The following RNF4 variants were observed in gnomAD, a reference collection of about 807,000 sequenced individuals.
RNF4 encodes the protein E3 ubiquitin-protein ligase RNF4.
A neutral mutation model predicts 24.3 loss-of-function variants in RNF4; 7 were observed. That is an observed-to-expected ratio of 0.29 (90% CI 0.16 to 0.54). RNF4 has a LOEUF of 0.54. RNF4 is among the 20% of genes least tolerant of loss of function. RNF4 has a pLI of 0.95. For synonymous variants in RNF4, 83 were observed against 84.3 expected (o/e 0.98, Z 0.09); for missense variants, 209 against 248.5 (o/e 0.84, Z 1.07).
chr4:2,491,331 G>C (rs1322632850), intron 2 of RNF4, among the ~76,000 whole-genome samples: 1 of 152,130 alleles, frequency 6.6e-6, no homozygotes, highest in Non-Finnish European at 1.5e-5. Context: ...CCACGTTCTG[G>C]GTTCAAGTGA....
At chr4:2,477,769 C>G (rs1735125588) in intron 1 of RNF4, among the ~76,000 whole-genome samples, 1 of 152,120 alleles carries the variant, frequency 6.6e-6, no homozygotes, top group African/African-American at 2.4e-5. Context: ...ATTGCCCAGT[C>G]TCAGGTATGT....
intron 2 of RNF4, among the ~76,000 whole-genome samples, chr4:2,496,401 A>G (rs1735736933): frequency 6.6e-6 from 1 of 152,202 alleles, no homozygotes; most frequent in African/African-American, 2.4e-5. Flanking sequence ...ATCCACTACC[A>G]AGTCCAAATC....
Position 2,493,503 on chromosome 4 carries a change from A to G in RNF4, c.9+3001A>G, listed in dbSNP as rs28708609. On this transcript the variant is annotated intron_variant, in intron 2 of 7. Transcript: ENST00000314289. ...CCTAGTAAGAAAGACTTGGTCTGCTACAGGCTGGGCATGGTGGATCACAAG... is the reference window on the plus strand; with the variant it reads ...CCTAGTAAGAAAGACTTGGTCTGCTGCAGGCTGGGCATGGTGGATCACAAG... Among the ~76,000 whole-genome samples the G allele has an allele frequency of 8.2e-3, 1,250 of 152,062 alleles. 15 individuals carry two copies. The highest frequency in any genetic ancestry group is 0.029 in the African/African-American group (1,192 of 41,474).
chr4:2,472,583 C>A (rs957705247), intron 1 of RNF4, among the ~76,000 whole-genome samples: 1 of 145,750 alleles, frequency 6.9e-6, no homozygotes, highest in Non-Finnish European at 1.5e-5. Context: ...GAGACCACCC[C>A]CTCCACTGCC....
At chr4:2,485,913 CAAGGGTTCCTTTTGG>C (rs1735392790) in intron 1 of RNF4, among the ~76,000 whole-genome samples, 1 of 152,154 alleles carries the variant, frequency 6.6e-6, no homozygotes, top group Non-Finnish European at 1.5e-5. Flanking sequence ...AAGGAGGAGG[CAAGGGTTCCTTTTGG>C]AACACACTAA....
At chr4:2,472,532 G>A (rs201236767) in intron 1 of RNF4, among the ~76,000 whole-genome samples, 2 of 149,722 alleles carry the variant, frequency 1.3e-5, no homozygotes, top group East Asian at 3.9e-4. Context: ...CTGGTGGATC[G>A]CTTGAGCTCA....
chr4:2,510,625 C>T (rs1736245483), intron 4 of RNF4, among the ~76,000 whole-genome samples: 1 of 152,204 alleles, frequency 6.6e-6, no homozygotes, highest in Admixed American at 6.5e-5. Context: ...ATCCTGGCTG[C>T]ACGGGAGTCA....
chr4:2,503,690 T>C (rs1281786392), intron 4 of RNF4, among the ~76,000 whole-genome samples: 1 of 152,236 alleles, frequency 6.6e-6, no homozygotes, highest in African/African-American at 2.4e-5. Context: ...AGGCCTCTAA[T>C]GCTAGTCACT....
chr4:2,508,815 T>C (rs1418510663), intron 4 of RNF4, among the ~76,000 whole-genome samples: 1 of 151,524 alleles, frequency 6.6e-6, no homozygotes, highest in African/African-American at 2.4e-5. Flanking sequence ...TTTCTCCATG[T>C]TGGTCAGGCT....
At chr4:2,503,189 T>C (rs1332140764) in intron 4 of RNF4, among the ~76,000 whole-genome samples, 2 of 152,184 alleles carry the variant, frequency 1.3e-5, no homozygotes, top group Non-Finnish European at 2.9e-5. Context: ...TGTTTTGTTT[T>C]GATGACTAAG....
intron 2 of RNF4, among the ~76,000 whole-genome samples, chr4:2,496,292 A>G (rs1254668514): frequency 2.0e-5 from 3 of 152,320 alleles, no homozygotes; most frequent in African/African-American, 7.2e-5. Context: ...CTTTATGCTA[A>G]GAAACAAAAA....
chr4:2,506,822 G>C (rs1209467696), intron 4 of RNF4, among the ~76,000 whole-genome samples: 4 of 152,038 alleles, frequency 2.6e-5, no homozygotes, highest in Non-Finnish European at 5.9e-5. Flanking sequence ...CTCCCACCTT[G>C]GTTTCCCAAA....
chr4:2,498,389 T>G (rs562483078), intron 3 of RNF4, among the ~76,000 whole-genome samples: 2 of 152,126 alleles, frequency 1.3e-5, no homozygotes, highest in South Asian at 4.2e-4. Context: ...GGTTTCACCA[T>G]GTCAGTCAGG....
At chr4:2,499,207 A>G (rs985046983) in intron 3 of RNF4, 1 of 391,438 alleles carries the variant, frequency 2.6e-6, no homozygotes, top group Non-Finnish European at 5.0e-6. Flanking sequence ...AAAAAAAAAA[A>G]GTTAAATGCA....
intron 4 of RNF4, among the ~76,000 whole-genome samples, chr4:2,510,134 C>A (rs755606333): frequency 2.6e-5 from 4 of 152,326 alleles, no homozygotes; most frequent in Non-Finnish European, 5.9e-5. Flanking sequence ...GGATTATATT[C>A]TCATCCTCAA....
Position 2,512,674 on chromosome 4 carries a change from C to G in RNF4, c.374+77C>G. On this transcript the variant is annotated intron_variant, in intron 6 of 7. Coordinates refer to ENST00000314289, the MANE Select transcript of RNF4 (RefSeq NM_002938.5). The surrounding 1 kb of genome is among the most constrained non-coding windows in gnomAD (Gnocchi z 4.1). ...GGCATGGGAATACTTTTCAGCAAAT[C>G]TGTGAGCCCTTGGCCCTGGAAGGGC... is the stretch of plus-strand genomic sequence containing the variant. 3 of 1,535,118 alleles carry G rather than the reference C, an allele frequency of 2.0e-6. No individual in the cohort carries two copies. In the South Asian group the frequency reaches 3.7e-5, roughly 19 times the overall value.
At chr4:2,483,931 A>G (rs1253487982) in intron 1 of RNF4, among the ~76,000 whole-genome samples, 1 of 151,204 alleles carries the variant, frequency 6.6e-6, no homozygotes, top group Non-Finnish European at 1.5e-5. Flanking sequence ...GGTTCGAGCG[A>G]TTCTCCTGCC....
At chr4:2,472,556 A>G (rs1435845771) in intron 1 of RNF4, among the ~76,000 whole-genome samples, 1 of 149,948 alleles carries the variant, frequency 6.7e-6, no homozygotes, top group Non-Finnish European at 1.5e-5. Flanking sequence ...GTTAGAGACC[A>G]GCCGGGGCAG....
chr4:2,482,405 T>G (rs899450409), intron 1 of RNF4, among the ~76,000 whole-genome samples: 1 of 152,226 alleles, frequency 6.6e-6, no homozygotes, highest in Non-Finnish European at 1.5e-5. Context: ...CTGTGCTGAC[T>G]GTGGGCCCTG....
Sources: allele counts gnomAD v4.1 joint callset (sites outside exome capture counted in the v4.1 genomes callset), GRCh38; gene constraint gnomAD v4.1.1; non-coding constraint Gnocchi (gnomAD v3.1); transcripts MANE v1.5; gene names NCBI Gene and HGNC (gene_info 2026-07-23, HGNC 2026-07-21).